HNF4G: variants seen among roughly 807,000 people sequenced by gnomAD.
HNF4G encodes hepatocyte nuclear factor 4-gamma.
Under a neutral mutation model 50.9 loss-of-function variants are expected in HNF4G, and 21 were observed. The ratio of observed to expected loss-of-function variants is 0.41; its 90% CI spans 0.29 to 0.59. The LOEUF (loss-of-function observed/expected upper bound fraction) is 0.59, where lower values mean the gene tolerates loss of function less well. HNF4G is among the 20% of genes least tolerant of loss of function. The pLI, the probability that HNF4G is intolerant of heterozygous loss-of-function variation, is 0.26. For synonymous variants in HNF4G, 198 were observed against 185.6 expected (o/e 1.07, Z -0.54); for missense variants, 527 against 559.4 (o/e 0.94, Z 0.58).
intron 1 of HNF4G, among the ~76,000 whole-genome samples, chr8:75,453,855 T>A (rs1811649989): frequency 6.6e-6 from 1 of 152,198 alleles, no homozygotes; most frequent in Non-Finnish European, 1.5e-5. Context: ...ATGGACTGAA[T>A]GTTCCTGTCC....
chr8:75,410,440 T>C (rs1395100248), intron 1 of HNF4G, among the ~76,000 whole-genome samples: 1 of 152,204 alleles, frequency 6.6e-6, no homozygotes, highest in African/African-American at 2.4e-5. Flanking sequence ...AATTTTTCTT[T>C]AAAAATATAA....
At chr8:75,515,730 G>A (rs915110458) in intron 2 of HNF4G, among the ~76,000 whole-genome samples, 1 of 151,112 alleles carries the variant, frequency 6.6e-6, no homozygotes, top group East Asian at 1.9e-4. Flanking sequence ...GGCCCTCAAA[G>A]GATTGGATAA....
At chr8:75,448,444 A>T (rs71500536) in intron 1 of HNF4G, among the ~76,000 whole-genome samples, 20,425 of 121,184 alleles carry the variant, frequency 0.17, 2,044 homozygotes, top group African/African-American at 0.24. Context: ...AAAAAAAAAA[A>T]GTGTCAGACA....
chr8:75,553,899 C>T (rs1426570555), intron 5 of HNF4G, among the ~76,000 whole-genome samples: 2 of 151,860 alleles, frequency 1.3e-5, no homozygotes, highest in Non-Finnish European at 2.9e-5. Flanking sequence ...ACTTGAATTT[C>T]CTAATTGTAC....
intron 1 of HNF4G, among the ~76,000 whole-genome samples, chr8:75,425,693 G>A (rs1048932734): frequency 6.6e-6 from 1 of 151,088 alleles, no homozygotes; most frequent in Non-Finnish European, 1.5e-5. Flanking sequence ...TCCTAACCAG[G>A]CAAAGATTAA....
intron 1 of HNF4G, among the ~76,000 whole-genome samples, chr8:75,542,649 AG>A: frequency 6.6e-6 from 1 of 152,042 alleles, no homozygotes; most frequent in Non-Finnish European, 1.5e-5. Context: ...TTTGACATGC[AG>A]GGTTTACAGG....
intron 3 of HNF4G, among the ~76,000 whole-genome samples, chr8:75,550,263 A>C (rs2977940): frequency 0.094 from 14,219 of 151,980 alleles, 933 homozygotes; most frequent in African/African-American, 0.18. Context: ...TTCACCTCTA[A>C]AGTTTTGAAA....
At chr8:75,426,055 T>C (rs1037438402) in intron 1 of HNF4G, among the ~76,000 whole-genome samples, 1 of 152,214 alleles carries the variant, frequency 6.6e-6, no homozygotes, top group Non-Finnish European at 1.5e-5. Flanking sequence ...AGGAGATAGA[T>C]CAAATAATTT....
At chr8:75,500,806 A>G (rs367938909) in intron 2 of HNF4G, among the ~76,000 whole-genome samples, 5 of 152,134 alleles carry the variant, frequency 3.3e-5, no homozygotes, top group African/African-American at 1.2e-4. Context: ...AATGTCCAGA[A>G]TGAGAAAATT....
chr8:75,426,015 A>G (rs532532673), intron 1 of HNF4G, among the ~76,000 whole-genome samples: 3 of 152,210 alleles, frequency 2.0e-5, no homozygotes, highest in South Asian at 2.1e-4. Flanking sequence ...TATTTTGTCA[A>G]TTGGTAAGAA....
At chr8:75,530,099 A>G (rs181613222) in intron 2 of HNF4G, among the ~76,000 whole-genome samples, 154 of 152,216 alleles carry the variant, frequency 1.0e-3, no homozygotes, top group South Asian at 1.2e-3. Flanking sequence ...AGATATCTGG[A>G]CCTGTCCCAC....
chr8:75,544,569 T>A (rs899787887), intron 2 of HNF4G, among the ~76,000 whole-genome samples: 46 of 152,112 alleles, frequency 3.0e-4, no homozygotes, highest in African/African-American at 1.1e-3. Flanking sequence ...ATATTTTTTG[T>A]CATTAAATTT....
In HNF4G at chr8:75,444,092, C is replaced by T. The variant is rs558023039; in HGVS notation, c.-144+35930C>T. The stretch of plus-strand genomic sequence containing the variant: ...AACAGCAGATCTCTCAGCAGAAACC[C>T]TACAAGCCAGAAGAGAGTGGGGGCC... On this transcript the variant is annotated intron_variant, in intron 1 of 10. Coordinates refer to the HNF4G transcript ENST00000354370. Among the ~76,000 whole-genome samples, 36 of 152,156 alleles carry T rather than the reference C, an allele frequency of 2.4e-4. 1 individual carries two copies. The highest frequency in any genetic ancestry group is 7.7e-4 in the African/African-American group (32 of 41,512).
At chr8:75,465,302 CTT>C (rs1044094152) in intron 1 of HNF4G, among the ~76,000 whole-genome samples, 49 of 152,262 alleles carry the variant, frequency 3.2e-4, no homozygotes, top group African/African-American at 1.1e-3. Flanking sequence ...GTTGTCAACT[CTT>C]TGCAATTTCA....
At chr8:75,491,569 G>A (rs767441743) in intron 2 of HNF4G, among the ~76,000 whole-genome samples, 10 of 151,828 alleles carry the variant, frequency 6.6e-5, no homozygotes, top group Non-Finnish European at 1.2e-4. Context: ...CTGCCTCCTG[G>A]GGATTCAAGC....
At chr8:75,449,344 G>T (rs1811519928) in intron 1 of HNF4G, among the ~76,000 whole-genome samples, 1 of 151,778 alleles carries the variant, frequency 6.6e-6, no homozygotes, top group African/African-American at 2.4e-5. Flanking sequence ...ATAAACAAAT[G>T]GTTATACCTA....
intron 2 of HNF4G, among the ~76,000 whole-genome samples, chr8:75,512,022 A>G (rs1245854097): frequency 6.6e-6 from 1 of 152,208 alleles, no homozygotes; most frequent in Non-Finnish European, 1.5e-5. Context: ...AGAGGAATAC[A>G]ATAGATAATT....
intron 2 of HNF4G, among the ~76,000 whole-genome samples, chr8:75,534,600 A>G (rs1272426132): frequency 6.6e-6 from 1 of 151,956 alleles, no homozygotes. Flanking sequence ...TGCAAATAAA[A>G]TAAATATAAA....
At chr8:75,549,279 C>T (rs955836036) in intron 3 of HNF4G, among the ~76,000 whole-genome samples, 2 of 152,060 alleles carry the variant, frequency 1.3e-5, no homozygotes, top group African/African-American at 2.4e-5. Flanking sequence ...CAAATAGAAG[C>T]ATAGTTTTAT....
Sources: gnomAD v4.1 joint callset for allele counts (sites outside exome capture counted in the v4.1 genomes callset) on GRCh38, gnomAD v4.1.1 for gene constraint, MANE v1.5 for transcripts, NCBI Gene and HGNC (gene_info 2026-07-23, HGNC 2026-07-21) for gene names.